IQGAP2: variants seen among roughly 807,000 people sequenced by gnomAD.
IQGAP2 encodes IQ motif containing GTPase activating protein 2.
A neutral mutation model predicts 201.3 loss-of-function variants in IQGAP2; 173 were observed. The observed-to-expected ratio is 0.86, with a 90% CI of 0.76 to 0.98. IQGAP2 has a LOEUF of 0.98. Ranked by LOEUF, IQGAP2 falls within the 50% of genes least tolerant of loss-of-function variation. The pLI is 0.00. For missense variants in IQGAP2, 1,687 were observed against 1,864.8 expected, an observed-to-expected ratio of 0.90 and a Z score of 1.76; for synonymous variants, 675 against 673.9, an observed-to-expected ratio of 1.00 and a Z score of -0.03.
At chr5:76,487,242 G>A (rs1756216667) in intron 2 of IQGAP2, among the ~76,000 whole-genome samples, 1 of 152,018 alleles carries the variant, frequency 6.6e-6, no homozygotes, top group Non-Finnish European at 1.5e-5. Context: ...GGGATTACAG[G>A]TGCCCACCAC....
intron 2 of IQGAP2, among the ~76,000 whole-genome samples, chr5:76,474,695 C>T (rs1755306572): frequency 6.6e-6 from 1 of 152,152 alleles, no homozygotes; most frequent in African/African-American, 2.4e-5. Flanking sequence ...CAGTGATCCC[C>T]AAATTCATTT....
At chr5:76,554,964 A>G (rs1025520336) in intron 2 of IQGAP2, among the ~76,000 whole-genome samples, 2 of 152,226 alleles carry the variant, frequency 1.3e-5, no homozygotes, top group Non-Finnish European at 2.9e-5. Flanking sequence ...ATACAATGAA[A>G]CATTATTCAA....
At chr5:76,504,582 T>G (rs1561422338) in intron 2 of IQGAP2, among the ~76,000 whole-genome samples, 1 of 152,194 alleles carries the variant, frequency 6.6e-6, no homozygotes, top group Non-Finnish European at 1.5e-5. Context: ...CCCAGATCTG[T>G]GTGTGTGATT....
chr5:76,642,530 T>A (rs1409558687), intron 17 of IQGAP2, among the ~76,000 whole-genome samples: 1 of 152,098 alleles, frequency 6.6e-6, no homozygotes, highest in African/African-American at 2.4e-5. Context: ...ACTTTACAGA[T>A]GTGGACCAGA....
chr5:76,622,691 T>C (rs935275199), intron 13 of IQGAP2, among the ~76,000 whole-genome samples: 6 of 152,122 alleles, frequency 3.9e-5, no homozygotes, highest in African/African-American at 1.4e-4. Flanking sequence ...TCAAAAAAGG[T>C]CATTCATTTC....
intron 12 of IQGAP2, among the ~76,000 whole-genome samples, chr5:76,610,616 T>C (rs1018475500): frequency 1.3e-5 from 2 of 152,124 alleles, no homozygotes; most frequent in African/African-American, 2.4e-5. Context: ...TGATAGAAGT[T>C]GCATTGAATC....
intron 2 of IQGAP2, among the ~76,000 whole-genome samples, chr5:76,509,691 G>A (rs556744886): frequency 1.2e-4 from 19 of 152,156 alleles, no homozygotes; most frequent in Admixed American, 3.9e-4. Flanking sequence ...ACTGTGCCCA[G>A]ATTCCTTGTC....
intron 33 of IQGAP2, among the ~76,000 whole-genome samples, chr5:76,699,055 G>T (rs13154881): frequency 1.3e-5 from 2 of 151,746 alleles, no homozygotes; most frequent in Non-Finnish European, 2.9e-5. Flanking sequence ...TCACCACACT[G>T]TGCAATAGAT....
intron 27 of IQGAP2, among the ~76,000 whole-genome samples, chr5:76,676,704 T>C (rs1437433459): frequency 6.6e-6 from 1 of 152,154 alleles, no homozygotes; most frequent in African/African-American, 2.4e-5. Flanking sequence ...CCAGCAAATA[T>C]TTGCAGCAAC....
intron 13 of IQGAP2, among the ~76,000 whole-genome samples, chr5:76,625,551 T>C (rs933272867): frequency 6.6e-6 from 1 of 152,184 alleles, no homozygotes; most frequent in African/African-American, 2.4e-5. Flanking sequence ...GCTTCCCTTG[T>C]AGTCTGCCGC....
intron 1 of IQGAP2, among the ~76,000 whole-genome samples, chr5:76,404,122 G>T (rs976345052): frequency 2.0e-5 from 3 of 152,130 alleles, no homozygotes; most frequent in Admixed American, 6.5e-5. Context: ...CACCTGACCC[G>T]CTAGAGCCAT....
At chr5:76,620,374 T>G (rs1410722055) in intron 13 of IQGAP2, among the ~76,000 whole-genome samples, 1 of 152,110 alleles carries the variant, frequency 6.6e-6, no homozygotes, top group South Asian at 2.1e-4. Flanking sequence ...TGGTTCTGAT[T>G]GGCTTTGGGG....
rs542803988 is a variant in IQGAP2 at position 76,627,548 on chromosome 5, G to T, written c.1612+48G>T. The stretch of plus-strand genomic sequence containing the variant: ...CTTGAAACTTGCCTTTTTGGATTTG[G>T]TTATGTGCCTGAAGTCATGTGATTT... On this transcript the variant is annotated intron_variant, in intron 14 of 35. Coordinates refer to ENST00000274364, the MANE Select transcript of IQGAP2 (RefSeq NM_006633.5). 6.8e-5 allele frequency: 68 copies of T among 1,004,714 alleles called. No individual in the cohort carries two copies. The South Asian group carries it at 9.2e-4, about 14-fold the overall frequency. 62.2% of individuals were successfully genotyped at this position (1,004,714 alleles called of 1,614,324 possible).
At position 76,671,891 on chromosome 5, in the gene IQGAP2, C is replaced by A. The variant is rs751210060; in HGVS notation, c.2976C>A (p.Ile992=). The A allele has an allele frequency of 3.7e-6, 6 of 1,614,036 alleles. No individual in the cohort carries two copies. Among genetic ancestry groups the A allele is most frequent in the African/African-American group, 2.7e-5 (2 of 74,994 alleles). The change falls in exon 24 of 36, where the codon ATC becomes ATA. Residue 992 remains isoleucine (I), a synonymous_variant. Coordinates refer to ENST00000274364, the MANE Select transcript of IQGAP2 (RefSeq NM_006633.5). ...RQLLAPVVKE[I]IDDKSLIINT... is the part of the protein sequence containing the mutation. ...TCCTGGCTCCAGTGGTAAAAGAGAT[C>A]ATCGACGACAAGTCGCTGATTATCA...
chr5:76,674,082 G>T, intron 26 of IQGAP2, 46 bp downstream of exon 26: 1 of 1,046,428 alleles, frequency 9.6e-7, no homozygotes, highest in South Asian at 1.3e-5. Flanking sequence ...CTGGGGGTAT[G>T]AATCAAAATT....
At chr5:76,617,911 A>G (rs1002606691) in intron 13 of IQGAP2, 4 of 1,614,162 alleles carry the variant, frequency 2.5e-6, no homozygotes, top group Non-Finnish European at 3.4e-6. Context: ...AAGAATGCCA[A>G]GGAGATGAAG....
rs565209954 is a variant in IQGAP2 at position 76,696,483 on chromosome 5, G to A, written c.4206+817G>A. Among the ~76,000 whole-genome samples, 13 of 152,282 alleles carry A rather than the reference G, an allele frequency of 8.5e-5. No homozygotes were observed. In the South Asian group the frequency reaches 2.7e-3, roughly 32 times the overall value. On this transcript the variant is annotated intron_variant, in intron 32 of 35. Coordinates refer to ENST00000274364, the MANE Select transcript of IQGAP2 (RefSeq NM_006633.5). ...AAGTGGCTGAGATCTGTTTGTCAAG[G>A]ATAAGGAAGTATATATTTGGGTTAG...
At chr5:76,458,876 T>G (rs1028751665) in intron 1 of IQGAP2, among the ~76,000 whole-genome samples, 11 of 152,168 alleles carry the variant, frequency 7.2e-5, no homozygotes, top group African/African-American at 2.7e-4. Context: ...ATATTTTATT[T>G]TTTCATCATA....
intron 2 of IQGAP2, among the ~76,000 whole-genome samples, chr5:76,484,574 T>G (rs1024732176): frequency 6.7e-6 from 1 of 150,184 alleles, no homozygotes; most frequent in Admixed American, 6.6e-5. Context: ...TAAAAAAAAT[T>G]TTTTTTTCTT....
Sources: allele counts gnomAD v4.1 joint callset (sites outside exome capture counted in the v4.1 genomes callset), GRCh38; gene constraint gnomAD v4.1.1; transcripts MANE v1.5; gene names NCBI Gene and HGNC (gene_info 2026-07-23, HGNC 2026-07-21).